Variants in AGA observed in about 807,000 individuals in gnomAD.
The protein encoded by AGA is N(4)-(beta-N-acetylglucosaminyl)-L-asparaginase.
Under a neutral mutation model 40.1 loss-of-function variants are expected in AGA, and 31 were observed. The ratio of observed to expected loss-of-function variants is 0.77; its 90% CI spans 0.58 to 1.04. The LOEUF is 1.04. Ranked by LOEUF, AGA falls within the 50% of genes least tolerant of loss-of-function variation. The pLI is 0.00. For synonymous variants in AGA, 148 were observed against 144.0 expected, an observed-to-expected ratio of 1.03 and a Z score of -0.20; for missense variants, 445 against 435.4, an observed-to-expected ratio of 1.02 and a Z score of -0.20.
chr4:177,436,242 T>C (rs377145157), intron 6 of AGA, 34 bp downstream of exon 6: 3 of 1,538,904 alleles, frequency 1.9e-6, no homozygotes, highest in African/African-American at 2.7e-5. Context: ...ATTCAGTGTA[T>C]ATTTGAGAGC....
chr4:177,435,297 C>A (rs971508523), intron 6 of AGA, among the ~76,000 whole-genome samples: 3 of 152,164 alleles, frequency 2.0e-5, no homozygotes, highest in Non-Finnish European at 4.4e-5. Flanking sequence ...TTTAGCCATT[C>A]TACAACATAT....
intron 1 of AGA, among the ~76,000 whole-genome samples, chr4:177,441,814 A>C (rs1364250957): frequency 6.6e-6 from 1 of 152,186 alleles, no homozygotes; most frequent in Admixed American, 6.5e-5. Context: ...GTAAATGGGA[A>C]AAGAGTAGGC....
chr4:177,437,780 T>G (rs566547998), intron 4 of AGA, among the ~76,000 whole-genome samples: 23 of 152,172 alleles, frequency 1.5e-4, no homozygotes, highest in Non-Finnish European at 2.9e-4. Context: ...CCCTAATTTC[T>G]CTCTTTATAT....
intron 8 of AGA, among the ~76,000 whole-genome samples, chr4:177,432,238 G>A (rs1461024736): frequency 2.0e-5 from 3 of 152,140 alleles, no homozygotes; most frequent in African/African-American, 7.2e-5. Context: ...AGAGTCAAGA[G>A]TAATTTGTCA....
intron 8 of AGA, 70 bp downstream of exon 8, chr4:177,433,144 A>C (rs1442722338): frequency 1.3e-6 from 2 of 1,598,784 alleles, no homozygotes; most frequent in Non-Finnish European, 1.7e-6. Flanking sequence ...GTACAAAACA[A>C]TATTTAAAAA....
Position 177,437,489 on chromosome 4 carries a change from C to T in AGA, c.538G>A (p.Gly180Arg), listed in dbSNP as rs373865451. 2.2e-5 allele frequency: 36 copies of T among 1,611,990 alleles called. No homozygotes were observed. Among genetic ancestry groups the T allele is most frequent in the Middle Eastern group, 1.6e-4 (1 of 6,068 alleles). The stretch of plus-strand genomic sequence containing the variant: ...AAGATACCAGGTGGTTTGTAGGGTC[C>T]GCAGTATTTTGAGGGATCTGGTATA... ...NVIPDPSKYC[G>R]PYKPPGILKQ... The change falls in exon 5 of 9, where the codon GGA becomes AGA. Residue 180 changes from glycine to arginine, a missense_variant. Transcript: ENST00000264595.
At chr4:177,442,106 G>C in intron 1 of AGA, 143 bp downstream of exon 1, 1 of 1,228,014 alleles carries the variant, frequency 8.1e-7, no homozygotes, top group Non-Finnish European at 1.1e-6. Context: ...GACTCGGGAA[G>C]ACCTAGAGGG....
intron 2 of AGA, 183 bp downstream of exon 2, chr4:177,440,090 A>C: frequency 1.4e-6 from 1 of 692,202 alleles, no homozygotes; most frequent in Non-Finnish European, 2.5e-6. Flanking sequence ...TCCATGTGAT[A>C]TTTCTATTAC....
chr4:177,438,866 T>C lies in AGA; in HGVS notation c.395-9A>G. The stretch of plus-strand genomic sequence containing the variant: ...TTGAGCAAATGTGGTGGCTGGAGAT[T>C]GGAAAAAAGGAAAGTATAAATTATT... On this transcript the variant is annotated splice_polypyrimidine_tract_variant and intron_variant, in intron 3 of 8. Transcript: ENST00000264595. The C allele has an allele frequency of 6.7e-7, 1 of 1,482,978 alleles. No homozygotes were observed. The highest frequency in any genetic ancestry group is 9.4e-7 in the Non-Finnish European group (1 of 1,060,266). 91.9% of individuals were successfully genotyped at this position (1,482,978 alleles called of 1,614,324 possible).
intron 6 of AGA, among the ~76,000 whole-genome samples, chr4:177,436,072 T>A (rs1579041954): frequency 6.6e-6 from 1 of 152,114 alleles, no homozygotes; most frequent in African/African-American, 2.4e-5. Context: ...CTTAAAGAGA[T>A]CACCTCTGCC....
At position 177,442,292 on chromosome 4, in the gene AGA, G is replaced by A. The variant is rs182442304; in HGVS notation, c.84C>T (p.Pro28=). 2 of 1,614,058 alleles carry A rather than the reference G, an allele frequency of 1.2e-6. No homozygotes were observed. The highest frequency in any genetic ancestry group is 2.2e-5 in the East Asian group (1 of 44,868). Residue 28 remains proline, a synonymous_variant, in exon 1 of 9, where the codon CCC becomes CCT. Transcript: ENST00000264595. ...QALVRCSSPL[P]LVVNTWPFKN... The stretch of plus-strand genomic sequence containing the variant: ...TAAAGGGCCAAGTGTTGACGACCAG[G>A]GGCAGAGGGCTGGAGCAGCGCACTA...
rs1223152705 is a variant in AGA at position 177,431,166 on chromosome 4, T to C, written c.*542A>G. On this transcript the variant is annotated 3_prime_UTR_variant, in exon 9 of 9. Coordinates refer to ENST00000264595, the MANE Select transcript of AGA (RefSeq NM_000027.4). ...CAGAAGATAGCTGTATTTTCTAGTATGTACAAAACAAAGAGTATCTCATGT... is the reference window on the plus strand; with the variant it reads ...CAGAAGATAGCTGTATTTTCTAGTACGTACAAAACAAAGAGTATCTCATGT... The C allele has an allele frequency of 2.3e-6, 1 of 437,666 alleles. No individual in the cohort carries two copies. The highest frequency in any genetic ancestry group is 1.6e-5 in the South Asian group (1 of 60,778). The allele number at this position is 437,666 out of a possible 1,614,324, so 27.1% of individuals were successfully genotyped here. A position where few individuals can be genotyped will look rare whatever the true frequency, so the allele number is the denominator to read the frequency against.
At chr4:177,440,561 C>T in intron 1 of AGA, 135 bp from the exon 2 acceptor site, 1 of 970,914 alleles carries the variant, frequency 1.0e-6, no homozygotes, top group Non-Finnish European at 1.5e-6. Context: ...ATTAGTTTAT[C>T]AAGTGTTACA....
intron 2 of AGA, 47 bp from the exon 3 acceptor site, chr4:177,439,735 T>C (rs769155621): frequency 1.4e-5 from 19 of 1,372,524 alleles, no homozygotes; most frequent in Non-Finnish European, 2.0e-5. Flanking sequence ...TTTTCAGAGG[T>C]TCATAGATTA....
Position 177,440,431 on chromosome 4 carries a change from TA to T in AGA, c.128-6del. ...CAGATGCTAATGCCCTCCACGCTGT[TA>T]ATCAAATCCCAATAATGCTTGTTTA... On this transcript the variant is annotated splice_region_variant and splice_polypyrimidine_tract_variant and intron_variant, in intron 1 of 8. Coordinates refer to ENST00000264595, the MANE Select transcript of AGA (RefSeq NM_000027.4). The T allele has an allele frequency of 1.2e-6, 2 of 1,613,722 alleles. No homozygotes were observed. Among genetic ancestry groups the T allele is most frequent in the Non-Finnish European group, 1.7e-6 (2 of 1,179,980 alleles).
In AGA at chr4:177,442,286, G is replaced by C. The variant is rs371130120; in HGVS notation, c.90C>G (p.Val30=). The stretch of plus-strand genomic sequence containing the variant: ...CATTCTTAAAGGGCCAAGTGTTGAC[G>C]ACCAGGGGCAGAGGGCTGGAGCAGC... ...LVRCSSPLPL[V]VNTWPFKNAT... Residue 30 remains valine (V), a synonymous_variant, in exon 1 of 9, where the codon GTC becomes GTG. Coordinates refer to ENST00000264595, the MANE Select transcript of AGA (RefSeq NM_000027.4). 3 of 1,613,930 alleles carry C rather than the reference G, an allele frequency of 1.9e-6. No individual in the cohort carries two copies. The highest frequency in any genetic ancestry group is 8.5e-7 in the Non-Finnish European group (1 of 1,179,958).
chr4:177,442,145 C>T, intron 1 of AGA, 104 bp downstream of exon 1: 1 of 1,527,760 alleles, frequency 6.5e-7, no homozygotes, highest in Non-Finnish European at 8.9e-7. Flanking sequence ...CCCAGCCCGG[C>T]GCTCTTCCGT....
At chr4:177,438,646 T>C in intron 4 of AGA, 99 bp downstream of exon 4, 1 of 832,494 alleles carries the variant, frequency 1.2e-6, no homozygotes, top group Non-Finnish European at 2.0e-6. Context: ...GCCAGGATGC[T>C]AACCAGTACC....
chr4:177,442,251 G>T lies in AGA; in HGVS notation c.125C>A (p.Ala42Glu). 5 of 1,613,860 alleles carry T rather than the reference G, an allele frequency of 3.1e-6. No individual in the cohort carries two copies. The highest frequency in any genetic ancestry group is 4.2e-6 in the Non-Finnish European group (5 of 1,179,866). Residue 42 changes from alanine to glutamate, a missense_variant and splice_region_variant, in exon 1 of 9, where the codon GCA becomes GAA. By Grantham distance (107) the Ala-to-Glu change is moderately radical. Coordinates refer to ENST00000264595, the MANE Select transcript of AGA (RefSeq NM_000027.4). ...CCGCCCAGGCCGCCAACCCGCACCT[G>T]CTTCGGTTGCATTCTTAAAGGGCCA... is the stretch of plus-strand genomic sequence containing the variant. Reference protein sequence around the residue: ...NTWPFKNATEAAWRALASGGS... With the variant: ...NTWPFKNATEEAWRALASGGS...
Sources: allele counts gnomAD v4.1 joint callset (sites outside exome capture counted in the v4.1 genomes callset), GRCh38; gene constraint gnomAD v4.1.1; transcripts MANE v1.5; gene names NCBI Gene and HGNC (gene_info 2026-07-23, HGNC 2026-07-21).